AMD1: variants seen among roughly 807,000 people sequenced by gnomAD.
AMD1 encodes adenosylmethionine decarboxylase 1.
AMD1 carries 11 observed loss-of-function variants against 40.2 expected under a neutral mutation model. The ratio of observed to expected loss-of-function variants is 0.27; its 90% CI spans 0.17 to 0.45. The LOEUF is 0.45. Ranked by LOEUF, AMD1 falls within the 20% of genes least tolerant of loss-of-function variation. AMD1 has a pLI of 1.00. For missense variants in AMD1, 257 were observed against 410.2 expected (o/e 0.63, Z 3.23); for synonymous variants, 121 against 130.8 (o/e 0.93, Z 0.51).
chr6:110,877,924 C>T (rs1182800542), intron 1 of AMD1, among the ~76,000 whole-genome samples: 2 of 152,050 alleles, frequency 1.3e-5, no homozygotes, highest in Non-Finnish European at 2.9e-5. Context: ...GAATGAAAGG[C>T]TTAAATGTCC....
intron 1 of AMD1, among the ~76,000 whole-genome samples, chr6:110,884,206 C>G (rs1785564815): frequency 6.6e-6 from 1 of 152,230 alleles, no homozygotes. Flanking sequence ...AACCTAGAAA[C>G]ATTGAGTAAA....
chr6:110,822,473 T>C, the AMD1 span, among the ~76,000 whole-genome samples: 1 of 152,168 alleles, frequency 6.6e-6, no homozygotes, highest in Non-Finnish European at 1.5e-5. Flanking sequence ...AGCCAAATTC[T>C]AGCAGACATT....
chr6:110,858,889 C>G, the AMD1 span: 26 of 820,434 alleles, frequency 3.2e-5, no homozygotes, highest in South Asian at 3.4e-4. Flanking sequence ...AGTGTGCCAG[C>G]CAGGTGGGCA....
the AMD1 span, among the ~76,000 whole-genome samples, chr6:110,826,640 C>T: frequency 2.0e-5 from 3 of 151,692 alleles, no homozygotes; most frequent in African/African-American, 4.8e-5. Flanking sequence ...TCCACATGGC[C>T]GTCTTCCCTC....
chr6:110,835,324 T>C, the AMD1 span, among the ~76,000 whole-genome samples: 1 of 152,000 alleles, frequency 6.6e-6, no homozygotes, highest in South Asian at 2.1e-4. Context: ...GGCCTGTGGA[T>C]ACTATTATAT....
rs1266788442 is a variant in AMD1 at position 110,875,119 on chromosome 6, A to C, written c.14A>C (p.His5Pro). 2.5e-6 allele frequency: 4 copies of C among 1,613,390 alleles called. No individual in the cohort carries two copies. Among genetic ancestry groups the C allele is most frequent in the Non-Finnish European group, 2.5e-6 (3 of 1,179,732 alleles). ...AGTCTCACGGTGATGGAAGCTGCAC[A>C]TTTTTTCGAAGGGACCGAGAAGCTG... MEAA[H>P]FFEGTEKLLE... Residue 5 changes from histidine (H) to proline (P), a missense_variant, in exon 1 of 9, where the codon CAT (histidine) becomes CCT (proline). This residue lies in a region of AMD1 where 57 missense variants were observed against 76.8 expected (regional missense o/e 0.74). Transcript: ENST00000368885.
the AMD1 span, chr6:110,859,272 G>C: frequency 3.1e-5 from 11 of 353,626 alleles, no homozygotes; most frequent in South Asian, 1.4e-4. Context: ...TGTGAGTGGC[G>C]GTGTGGGATC....
the AMD1 span, among the ~76,000 whole-genome samples, chr6:110,824,344 T>C: frequency 1.3e-5 from 2 of 152,178 alleles, no homozygotes; most frequent in Non-Finnish European, 2.9e-5. Flanking sequence ...TACTGTATGT[T>C]CCCACTTACA....
the AMD1 span, chr6:110,815,595 C>G: frequency 0.16 from 24,228 of 153,484 alleles, 2,115 homozygotes; most frequent in East Asian, 0.31. Flanking sequence ...GCCTCGCCCC[C>G]ACAAAGCATG....
chr6:110,871,176 G>T (rs1784913305), upstream of AMD1, among the ~76,000 whole-genome samples: 1 of 152,300 alleles, frequency 6.6e-6, no homozygotes, highest in Non-Finnish European at 1.5e-5. Flanking sequence ...AAGAAATTTT[G>T]ATTTCAATTG....
At chr6:110,831,418 G>T in the AMD1 span, among the ~76,000 whole-genome samples, 1 of 150,150 alleles carries the variant, frequency 6.7e-6, no homozygotes, top group Non-Finnish European at 1.5e-5. Context: ...CAACCTGGGC[G>T]ACAGTGCAAG....
chr6:110,886,681 G>A (rs1305329909), intron 1 of AMD1, among the ~76,000 whole-genome samples: 1 of 152,212 alleles, frequency 6.6e-6, no homozygotes, highest in Non-Finnish European at 1.5e-5. Context: ...ACTAAGGCAA[G>A]AGAATTGCTT....
chr6:110,825,349 A>C, the AMD1 span, among the ~76,000 whole-genome samples: 6 of 152,224 alleles, frequency 3.9e-5, no homozygotes, highest in Non-Finnish European at 8.8e-5. Context: ...AGCTGTGGAT[A>C]AGAGGAGACT....
chr6:110,886,751 C>T (rs777414211), intron 1 of AMD1, among the ~76,000 whole-genome samples: 18 of 152,130 alleles, frequency 1.2e-4, no homozygotes, highest in Admixed American at 9.2e-4. Context: ...TCAACCTGGG[C>T]GACAGAGTGA....
chr6:110,862,899 C>G, the AMD1 span, among the ~76,000 whole-genome samples: 5,432 of 152,164 alleles, frequency 0.036, 376 homozygotes, highest in East Asian at 0.34. Context: ...GTGGTCCTCA[C>G]GATAGGAAAA....
the AMD1 span, among the ~76,000 whole-genome samples, chr6:110,837,782 G>A: frequency 8.4e-6 from 1 of 118,576 alleles, no homozygotes; most frequent in South Asian, 2.6e-4. Context: ...ATTCCTCTGG[G>A]TTAGGGGCGG....
chr6:110,875,874 G>A (rs1785078684), intron 1 of AMD1, among the ~76,000 whole-genome samples: 1 of 152,086 alleles, frequency 6.6e-6, no homozygotes, highest in African/African-American at 2.4e-5. Context: ...CATGCTCTGC[G>A]CCAGAGCCTT....
chr6:110,815,400 C>A, the AMD1 span: 2 of 326,770 alleles, frequency 6.1e-6, no homozygotes, highest in South Asian at 9.1e-5. Flanking sequence ...CCGCCTCCCT[C>A]CTTCATTTCC....
the AMD1 span, among the ~76,000 whole-genome samples, chr6:110,849,512 G>C: frequency 2.0e-5 from 3 of 152,182 alleles, no homozygotes; most frequent in Non-Finnish European, 4.4e-5. Context: ...CAGCTCTTTA[G>C]AGGATCTAAA....
Sources: gnomAD v4.1 joint callset for allele counts (sites outside exome capture counted in the v4.1 genomes callset) on GRCh38, gnomAD v4.1.1 for gene constraint, gnomAD v4.1.1 regional missense constraint, MANE v1.5 for transcripts, NCBI Gene and HGNC (gene_info 2026-07-23, HGNC 2026-07-21) for gene names.